The following PYM1 variants were observed in gnomAD, a reference collection of about 807,000 sequenced individuals.
The protein encoded by PYM1 is PYM1 exon junction complex associated factor, also known as partner of Y14 and mago.
Under a neutral mutation model 20.7 loss-of-function variants are expected in PYM1, and 7 were observed. The observed-to-expected ratio is 0.34, with a 90% CI of 0.19 to 0.64. The LOEUF (loss-of-function observed/expected upper bound fraction) is 0.64, where lower values mean the gene tolerates loss of function less well. Among genes scored for constraint, PYM1 ranks in the 30% least tolerant of loss-of-function variants. PYM1 has a pLI of 0.74. For synonymous variants in PYM1, 100 were observed against 99.2 expected (o/e 1.01, Z -0.05); for missense variants, 194 against 250.0 (o/e 0.78, Z 1.51).
chr12:55,905,456 C>CT (rs1365490535), intron 1 of PYM1, among the ~76,000 whole-genome samples: 2 of 151,254 alleles, frequency 1.3e-5, no homozygotes, highest in Middle Eastern at 3.2e-3. Context: ...AATCCCAACA[C>CT]TTTGAGAGGC....
chr12:55,927,207 T>G, intron 1 of PYM1: 2 of 1,514,984 alleles, frequency 1.3e-6, no homozygotes, highest in Non-Finnish European at 1.8e-6. Flanking sequence ...ACCATCTTAG[T>G]CTTAAAGGGA....
At chr12:55,910,814 G>A (rs552580565) in intron 1 of PYM1, among the ~76,000 whole-genome samples, 1 of 152,280 alleles carries the variant, frequency 6.6e-6, no homozygotes, top group South Asian at 2.1e-4. Flanking sequence ...GGTTCAGAAA[G>A]GTGGGATGAC....
At chr12:55,925,921 G>T (rs547384199) in intron 1 of PYM1, among the ~76,000 whole-genome samples, 1 of 152,296 alleles carries the variant, frequency 6.6e-6, no homozygotes, top group Admixed American at 6.5e-5. Context: ...GAGAACAGAA[G>T]GAAAGAGGTA....
rs1005162434 is a variant in PYM1, at chr12:55,901,715, G to A, written c.*157C>T. On this transcript the variant is annotated 3_prime_UTR_variant, in exon 3 of 3. Coordinates refer to ENST00000408946, the MANE Select transcript of PYM1 (RefSeq NM_032345.3). ...GTTGGGAAGAAAAGGGAAGGATTGAGGGAGACGCTAGGCTCTGGAGGACAG... is the reference window on the plus strand; with the variant it reads ...GTTGGGAAGAAAAGGGAAGGATTGAAGGAGACGCTAGGCTCTGGAGGACAG... 2.8e-6 allele frequency: 3 copies of A among 1,060,552 alleles called. No homozygotes were observed. The highest frequency in any genetic ancestry group is 1.7e-5 in the South Asian group (1 of 58,942). The allele number at this position is 1,060,552 out of a possible 1,614,324, so 65.7% of individuals were successfully genotyped here.
At chr12:55,903,704 T>C (rs1170959791) in intron 1 of PYM1, among the ~76,000 whole-genome samples, 1 of 151,970 alleles carries the variant, frequency 6.6e-6, no homozygotes, top group African/African-American at 2.4e-5. Context: ...GAAGATTCTA[T>C]TTGTAGGTAA....
intron 1 of PYM1, among the ~76,000 whole-genome samples, chr12:55,907,634 GAAAAAA>G (rs112040261): frequency 1.6e-5 from 2 of 126,460 alleles, no homozygotes; most frequent in African/African-American, 6.1e-5. Context: ...CTTCGTCTGG[GAAAAAA>G]AAAAAAAAAA....
At chr12:55,916,850 C>T (rs1883016884) in intron 1 of PYM1, among the ~76,000 whole-genome samples, 1 of 152,052 alleles carries the variant, frequency 6.6e-6, no homozygotes, top group Admixed American at 6.6e-5. Flanking sequence ...GTGGTTCATG[C>T]CTCTAATCCC....
intron 1 of PYM1, among the ~76,000 whole-genome samples, chr12:55,913,530 T>C (rs1219083002): frequency 6.6e-6 from 1 of 152,120 alleles, no homozygotes; most frequent in Admixed American, 6.6e-5. Context: ...TTCAAAGCAA[T>C]GATTTAAGAT....
At chr12:55,918,141 A>T (rs1395826926) in intron 1 of PYM1, among the ~76,000 whole-genome samples, 2 of 146,858 alleles carry the variant, frequency 1.4e-5, no homozygotes, top group African/African-American at 2.5e-5. Context: ...TCTGTCGCCC[A>T]GGCTAGAGTG....
At chr12:55,906,342 T>C (rs899031642) in intron 1 of PYM1, among the ~76,000 whole-genome samples, 2 of 152,094 alleles carry the variant, frequency 1.3e-5, no homozygotes, top group African/African-American at 4.8e-5. Context: ...CATTGTATCA[T>C]CAATGATATC....
chr12:55,908,939 G>C (rs1241765494), intron 1 of PYM1, among the ~76,000 whole-genome samples: 1 of 152,164 alleles, frequency 6.6e-6, no homozygotes, highest in Admixed American at 6.6e-5. Context: ...GAAAAATCAT[G>C]AGCAAAGGGG....
rs1172802362 is a variant in PYM1 at position 55,902,217 on chromosome 12, G to T, written c.270C>A (p.Asn90Lys). The change falls in exon 3 of 3, where the codon AAC becomes AAA. Residue 90 changes from asparagine to lysine, a missense_variant. Physicochemically the swap from Asn to Lys is moderately conservative, Grantham distance 94. Coordinates refer to ENST00000408946, the MANE Select transcript of PYM1 (RefSeq NM_032345.3). ...EPGLSKTAKRNLKRKEKRRQQ... is the reference protein window; with the variant it reads ...EPGLSKTAKRKLKRKEKRRQQ... ...GCCGCCTCTTCTCCTTTCGCTTCAG[G>T]TTACGTTTGGCTGTCTTGGAGAGGC... 1 of 1,613,986 alleles carries T rather than the reference G, an allele frequency of 6.2e-7. No homozygotes were observed. Among genetic ancestry groups the T allele is most frequent in the South Asian group, 1.1e-5 (1 of 91,060 alleles).
intron 1 of PYM1, among the ~76,000 whole-genome samples, chr12:55,926,775 G>A (rs983639750): frequency 2.6e-5 from 4 of 152,166 alleles, no homozygotes; most frequent in African/African-American, 9.7e-5. Flanking sequence ...CAAGCCTGAA[G>A]AACCTAAAAG....
At chr12:55,917,145 A>G (rs1178423258) in intron 1 of PYM1, among the ~76,000 whole-genome samples, 1 of 151,574 alleles carries the variant, frequency 6.6e-6, no homozygotes, top group African/African-American at 2.4e-5. Flanking sequence ...AGCTGGGCGC[A>G]GTGGCTCACC....
chr12:55,922,351 A>G (rs1883111726), intron 1 of PYM1, among the ~76,000 whole-genome samples: 1 of 151,366 alleles, frequency 6.6e-6, no homozygotes, highest in African/African-American at 2.4e-5. Flanking sequence ...ACTCATGCCT[A>G]GTAATCCCAG....
rs138706795 is a variant in PYM1 at position 55,915,889 on chromosome 12, G to A, written c.37+11836C>T. 4.9e-3 allele frequency among the ~76,000 whole-genome samples: 739 copies of A among 152,260 alleles called. 7 individuals are homozygous for A. The highest frequency in any genetic ancestry group is 0.015 in the African/African-American group (643 of 41,548). ...ACAACAAAAGCAAAATCCTAGCAGT[G>A]GAAAACTCAGTATTTAAGAATGATT... is the stretch of plus-strand genomic sequence containing the variant. On this transcript the variant is annotated intron_variant, in intron 1 of 2. Coordinates refer to ENST00000408946, the MANE Select transcript of PYM1 (RefSeq NM_032345.3).
chr12:55,922,007 G>C (rs1883105550), intron 1 of PYM1, among the ~76,000 whole-genome samples: 1 of 151,966 alleles, frequency 6.6e-6, no homozygotes, highest in Non-Finnish European at 1.5e-5. Context: ...CTGAGTAGCT[G>C]GGACCACAGG....
Position 55,919,097 on chromosome 12 carries a change from G to A in PYM1, c.37+8628C>T, listed in dbSNP as rs190128495. Reference sequence around the variant, plus strand: ...TCTTATTCAGGTACATATGCAAGATGGGAATATGGTTTACAGTGTTTCTCA... The same window carrying A: ...TCTTATTCAGGTACATATGCAAGATAGGAATATGGTTTACAGTGTTTCTCA... On this transcript the variant is annotated intron_variant, in intron 1 of 2. Coordinates refer to ENST00000408946, the MANE Select transcript of PYM1 (RefSeq NM_032345.3). Among the ~76,000 whole-genome samples the A allele has an allele frequency of 1.7e-3, 257 of 152,238 alleles. 3 individuals carry two copies. The highest frequency in any genetic ancestry group is 6.1e-3 in the African/African-American group (252 of 41,544).
chr12:55,906,892 C>A (rs1882826272), intron 1 of PYM1, among the ~76,000 whole-genome samples: 1 of 151,948 alleles, frequency 6.6e-6, no homozygotes, highest in African/African-American at 2.4e-5. Flanking sequence ...AGGTGATCCA[C>A]CCGCCTCGGC....
Sources: allele counts gnomAD v4.1 joint callset (sites outside exome capture counted in the v4.1 genomes callset), GRCh38; gene constraint gnomAD v4.1.1; transcripts MANE v1.5; gene names NCBI Gene and HGNC (gene_info 2026-07-23, HGNC 2026-07-21).